The following VWCE variants were observed in gnomAD, a reference collection of about 807,000 sequenced individuals.
VWCE encodes von Willebrand factor C and EGF domains, also known as von Willebrand factor C and EGF domain-containing protein.
Under a neutral mutation model 102.9 loss-of-function variants are expected in VWCE, and 68 were observed. The ratio of observed to expected loss-of-function variants is 0.66; its 90% CI spans 0.54 to 0.81. VWCE has a LOEUF of 0.81. Among genes scored for constraint, VWCE ranks in the 30% least tolerant of loss-of-function variants. VWCE has a pLI of 0.00. For synonymous variants in VWCE, 497 were observed against 515.4 expected, an observed-to-expected ratio of 0.96 and a Z score of 0.48; for missense variants, 1,137 against 1,263.6, an observed-to-expected ratio of 0.90 and a Z score of 1.52.
chr11:61,263,828 CAT>C, intron 19 of VWCE, among the ~76,000 whole-genome samples: 1 of 152,212 alleles, frequency 6.6e-6, no homozygotes, highest in Admixed American at 6.5e-5. Context: ...GTGCTCAACA[CAT>C]ATTAGAGATT....
Position 61,286,403 on chromosome 11 carries a change from CAGG to C in VWCE, c.449_451del (p.Ser150del), listed in dbSNP as rs772308903. On this transcript the variant is annotated inframe_deletion, in exon 5 of 20. Transcript: ENST00000335613. ...TTCTGTGTTCACACAGTGGCCCTCG[CAGG>C]AGGAGGTTACACATTCGTCAATGTC... 5 of 1,612,718 alleles carry C rather than the reference CAGG, an allele frequency of 3.1e-6. No homozygotes were observed. Among genetic ancestry groups the C allele is most frequent in the Non-Finnish European group, 4.2e-6 (5 of 1,180,042 alleles).
chr11:61,285,114 T>C (rs1051242833), intron 5 of VWCE, among the ~76,000 whole-genome samples: 2 of 152,086 alleles, frequency 1.3e-5, no homozygotes, highest in Non-Finnish European at 2.9e-5. Flanking sequence ...TGAGAATCAA[T>C]GTCAGTGGTA....
At chr11:61,282,023 C>T in intron 6 of VWCE, 109 bp from the exon 7 acceptor site, 1 of 1,503,146 alleles carries the variant, frequency 6.7e-7, no homozygotes, top group Non-Finnish European at 8.9e-7. Context: ...CATGTTCTTA[C>T]AGGGTCCATG....
At chr11:61,268,439 A>C (rs966804356) in intron 15 of VWCE, among the ~76,000 whole-genome samples, 4 of 152,204 alleles carry the variant, frequency 2.6e-5, no homozygotes, top group Non-Finnish European at 5.9e-5. Flanking sequence ...CTGTGATCCC[A>C]GCTACTCAGA....
At chr11:61,291,229 T>G in intron 3 of VWCE, 35 bp downstream of exon 3, 13 of 1,523,456 alleles carry the variant, frequency 8.5e-6, no homozygotes, top group Non-Finnish European at 1.1e-5. Flanking sequence ...TGCTCATTCA[T>G]CTGTTCCCAT....
intron 12 of VWCE, 117 bp from the exon 13 acceptor site, chr11:61,273,433 G>A: frequency 1.1e-6 from 1 of 941,220 alleles, no homozygotes; most frequent in Admixed American, 2.8e-5. Flanking sequence ...AAGTGAAACT[G>A]ACAAAGAAAT....
Position 61,273,095 on chromosome 11 carries a change from C to T in VWCE, c.1699+104G>A, listed in dbSNP as rs1854779452. ...ACGCACACAAAGACACATGTACACA[C>T]ACACACAAACAGCACACACACCAGC... On this transcript the variant is annotated intron_variant, in intron 13 of 19. Transcript: ENST00000335613. 5 of 1,164,486 alleles carry T rather than the reference C, an allele frequency of 4.3e-6. No homozygotes were observed. In the Admixed American group the frequency reaches 8.8e-5, roughly 20 times the overall value. The allele number at this position is 1,164,486 out of a possible 1,614,324, so 72.1% of individuals were successfully genotyped here.
At chr11:61,280,316 C>CA (rs1369026848) in intron 9 of VWCE, among the ~76,000 whole-genome samples, 1 of 152,132 alleles carries the variant, frequency 6.6e-6, no homozygotes, top group East Asian at 1.9e-4. Context: ...AAGCTGAAAA[C>CA]AGATGCCCAG....
intron 5 of VWCE, 36 bp from the exon 6 acceptor site, chr11:61,282,941 C>T: frequency 6.5e-7 from 1 of 1,546,362 alleles, no homozygotes; most frequent in Non-Finnish European, 8.9e-7. Flanking sequence ...GGTTCATTTC[C>T]CCAACAGAAC....
chr11:61,285,181 G>A (rs1350983220), intron 5 of VWCE, among the ~76,000 whole-genome samples: 3 of 152,106 alleles, frequency 2.0e-5, no homozygotes, highest in African/African-American at 7.2e-5. Flanking sequence ...AAGACGCGCA[G>A]GCTATTCTCC....
chr11:61,282,775 C>A lies in VWCE; in HGVS notation c.658+14G>T. On this transcript the variant is annotated intron_variant, in intron 6 of 19. Coordinates refer to ENST00000335613, the MANE Select transcript of VWCE (RefSeq NM_152718.2). ...AGCCTAAGTGTGCAGACCACAGGGT[C>A]CTCCCCGCCTTACCTACACAGGAGT... 1 of 1,609,822 alleles carries A rather than the reference C, an allele frequency of 6.2e-7. No individual in the cohort carries two copies. Among genetic ancestry groups the A allele is most frequent in the Non-Finnish European group, 8.5e-7 (1 of 1,176,412 alleles).
chr11:61,266,192 G>A (rs1225265133), intron 16 of VWCE, among the ~76,000 whole-genome samples: 1 of 152,144 alleles, frequency 6.6e-6, no homozygotes, highest in Non-Finnish European at 1.5e-5. Context: ...GCAAGATCCT[G>A]TCTCAGTATT....
In VWCE at chr11:61,280,847, C is replaced by G. The variant is rs763845174; in HGVS notation, c.1176G>C (p.Met392Ile). The change falls in exon 8 of 20, where the codon ATG becomes ATC. Residue 392 changes from methionine (M) to isoleucine (I), a missense_variant. Coordinates refer to ENST00000335613, the MANE Select transcript of VWCE (RefSeq NM_152718.2). ...GPSPCWHLGA[M>I]HESRSRWTEP... ...CTGTCCAGCGACTCCTTGATTCATG[C>G]ATGGCTCCCAGGTGCCAGCAGGGAG... 6 of 1,548,024 alleles carry G rather than the reference C, an allele frequency of 3.9e-6. No individual in the cohort carries two copies. In the South Asian group the frequency reaches 7.6e-5, roughly 19 times the overall value.
intron 9 of VWCE, among the ~76,000 whole-genome samples, chr11:61,280,072 C>T (rs1260064203): frequency 2.6e-5 from 4 of 152,102 alleles, no homozygotes; most frequent in Non-Finnish European, 5.9e-5. Flanking sequence ...AACTGCAGAG[C>T]AAGTTTCGAG....
chr11:61,260,587 G>A (rs549633571), intron 19 of VWCE, among the ~76,000 whole-genome samples: 4 of 152,140 alleles, frequency 2.6e-5, no homozygotes, highest in East Asian at 1.9e-4. Context: ...TGTGATCCAC[G>A]GTGCCCAGCA....
At chr11:61,261,749 G>A (rs1463173528) in intron 19 of VWCE, among the ~76,000 whole-genome samples, 3 of 150,300 alleles carry the variant, frequency 2.0e-5, no homozygotes, top group Admixed American at 1.3e-4. Context: ...AGGCTGCAGT[G>A]AGCTGTGATC....
intron 7 of VWCE, 23 bp downstream of exon 7, chr11:61,281,763 G>A: frequency 1.3e-6 from 2 of 1,597,116 alleles, no homozygotes; most frequent in African/African-American, 1.3e-5. Context: ...CCAGCCGCCG[G>A]GATGGAGGGG....
At chr11:61,266,823 G>A (rs796482533) in intron 16 of VWCE, among the ~76,000 whole-genome samples, 19 of 152,316 alleles carry the variant, frequency 1.2e-4, no homozygotes, top group African/African-American at 4.6e-4. Context: ...CACTGCAAGA[G>A]CTTGACCACA....
chr11:61,291,619 G>A, intron 1 of VWCE, 43 bp from the exon 2 acceptor site: 1 of 1,372,834 alleles, frequency 7.3e-7, no homozygotes, highest in South Asian at 1.8e-5. Flanking sequence ...TATACTGGGG[G>A]AGACATTGGT....
Sources: gnomAD v4.1 joint callset for allele counts (sites outside exome capture counted in the v4.1 genomes callset) on GRCh38, gnomAD v4.1.1 for gene constraint, MANE v1.5 for transcripts, NCBI Gene and HGNC (gene_info 2026-07-23, HGNC 2026-07-21) for gene names.